Variants in IL3RA observed in about 807,000 individuals in gnomAD.
The protein encoded by IL3RA is interleukin-3 receptor subunit alpha.
IL3RA carries 73 observed loss-of-function variants against 52.3 expected under a neutral mutation model. That is an observed-to-expected ratio of 1.40 (90% CI 1.16 to 1.70). The LOEUF (loss-of-function observed/expected upper bound fraction) is 1.70, where lower values mean the gene tolerates loss of function less well. IL3RA is among the 40% of genes most tolerant of loss of function. The pLI, the probability that IL3RA is intolerant of heterozygous loss-of-function variation, is 0.00. For missense variants in IL3RA, 664 were observed against 504.4 expected (o/e 1.32, Z -3.03); for synonymous variants, 260 against 194.0 (o/e 1.34, Z -2.83).
At chrX:1,343,761 CTTT>C (rs1244006457) in intron 2 of IL3RA, among the ~76,000 whole-genome samples, 8 of 141,028 alleles carry the variant, frequency 5.7e-5, no homozygotes, top group African/African-American at 2.1e-4. Flanking sequence ...GAGAGACCTT[CTTT>C]TTCTTTCTTT....
intron 11 of IL3RA, among the ~76,000 whole-genome samples, chrX:1,381,963 T>G (rs1188791622): frequency 6.6e-6 from 1 of 150,674 alleles, no homozygotes; most frequent in African/African-American, 2.4e-5. Context: ...TTTTTGTTTT[T>G]GAGACGCAGT....
chrX:1,362,130 GTCTC>G (rs370637030), intron 8 of IL3RA, among the ~76,000 whole-genome samples: 16 of 149,198 alleles, frequency 1.1e-4, no homozygotes, highest in Non-Finnish European at 1.6e-4. Context: ...GTCTCTCTAT[GTCTC>G]TCTGTTTCTG....
chrX:1,373,879 C>T (rs2088620303), intron 9 of IL3RA, among the ~76,000 whole-genome samples: 1 of 69,240 alleles, frequency 1.4e-5, no homozygotes. Flanking sequence ...AGGAGAGAGG[C>T]CTCAGGAGGA....
At chrX:1,345,185 T>A (rs1195529035) in intron 2 of IL3RA, 131 bp from the exon 3 acceptor site, 4 of 565,594 alleles carry the variant, frequency 7.1e-6, no homozygotes, top group Admixed American at 5.7e-5. Context: ...TTTAAAAAAA[T>A]TAAATAAAAG....
chrX:1,362,672 G>C (rs1301062777), intron 8 of IL3RA, among the ~76,000 whole-genome samples: 4 of 152,060 alleles, frequency 2.6e-5, no homozygotes, highest in Non-Finnish European at 5.9e-5. Context: ...GCTTCTCCCA[G>C]CTCCTGGGGA....
At chrX:1,348,660 T>TTC (rs372310197) in intron 4 of IL3RA, 115 bp downstream of exon 4, 4 of 434,962 alleles carry the variant, frequency 9.2e-6, no homozygotes, top group East Asian at 7.0e-5. Flanking sequence ...CTTTCTTTCT[T>TTC]TCTTTCTTTC....
Position 1,343,666 on chromosome X carries a change from C to CAAAAA in IL3RA, c.65-1635_65-1631dup, listed in dbSNP as rs760518972. On this transcript the variant is annotated intron_variant, in intron 2 of 11. Transcript: ENST00000331035. ...TGGGTGACAGAGCGAGGCTCCATCT[C>CAAAAA]AAAAAAAAAAAAAAAAAAAGAATAT... 1.6e-3 allele frequency among the ~76,000 whole-genome samples: 111 copies of CAAAAA among 68,632 alleles called. 5 individuals are homozygous for CAAAAA. Among genetic ancestry groups the CAAAAA allele is most frequent in the African/African-American group, 4.9e-3 (108 of 22,072 alleles). The allele number at this position is 68,632 out of a possible 152,430, so 45.0% of individuals were successfully genotyped here. A position where few individuals can be genotyped will look rare whatever the true frequency, so the allele number is the denominator to read the frequency against.
At position 1,352,317 on chromosome X, in the gene IL3RA, C is replaced by G; in HGVS notation, c.432-5C>G. ...GTCGTCCCCCAACCTTACCGCTTACCGCAGCAGGCGTCAACAGTACGAGTG... is the reference window on the plus strand; with the variant it reads ...GTCGTCCCCCAACCTTACCGCTTACGGCAGCAGGCGTCAACAGTACGAGTG... On this transcript the variant is annotated splice_polypyrimidine_tract_variant and splice_region_variant and intron_variant, in intron 5 of 11. Transcript: ENST00000331035. The G allele has an allele frequency of 6.2e-7, 1 of 1,613,746 alleles. No homozygotes were observed. The highest frequency in any genetic ancestry group is 8.5e-7 in the Non-Finnish European group (1 of 1,179,782).
intron 4 of IL3RA, 151 bp downstream of exon 4, chrX:1,348,696 CTTTCTTTCTGTTTCTG>C: frequency 5.8e-6 from 2 of 344,642 alleles, no homozygotes; most frequent in Non-Finnish European, 1.0e-5. Flanking sequence ...CTTTCTTTTT[CTTTCTTTCTGTTTCTG>C]TTTCTTTCTT....
chrX:1,363,909 G>A (rs1321461527), intron 8 of IL3RA, among the ~76,000 whole-genome samples: 6 of 152,078 alleles, frequency 3.9e-5, no homozygotes, highest in East Asian at 2.0e-4. Context: ...TTGGCTGGGC[G>A]CGGTGGCTCA....
chrX:1,347,186 C>G (rs1443011451), intron 3 of IL3RA, among the ~76,000 whole-genome samples: 7 of 151,456 alleles, frequency 4.6e-5, no homozygotes, highest in African/African-American at 1.5e-4. Flanking sequence ...GTGGCTCACG[C>G]CTGTCATCCC....
intron 9 of IL3RA, 147 bp downstream of exon 9, chrX:1,365,399 G>A (rs2087894130): frequency 1.1e-5 from 1 of 92,922 alleles, no homozygotes; most frequent in African/African-American, 9.3e-5. Flanking sequence ...TGCGCGGGGT[G>A]AGCGGGGTGA....
intron 1 of IL3RA, among the ~76,000 whole-genome samples, chrX:1,338,647 G>A (rs1442072679): frequency 6.6e-6 from 1 of 152,238 alleles, no homozygotes; most frequent in Non-Finnish European, 1.5e-5. Flanking sequence ...CATAGTGTCT[G>A]TATGATTCCA....
intron 7 of IL3RA, among the ~76,000 whole-genome samples, chrX:1,357,679 G>A (rs6645232): frequency 0.59 from 90,077 of 151,568 alleles, 27,817 homozygotes; most frequent in Middle Eastern, 0.7. Context: ...TATTATTTAT[G>A]CTCAAATACT....
At chrX:1,351,686 T>C (rs1458391918) in intron 4 of IL3RA, among the ~76,000 whole-genome samples, 1 of 148,544 alleles carries the variant, frequency 6.7e-6, no homozygotes, top group African/African-American at 2.5e-5. Context: ...TGGAGTGCAG[T>C]GGCGTGATCT....
chrX:1,377,078 C>T (rs372461636), intron 9 of IL3RA, among the ~76,000 whole-genome samples: 46 of 140,634 alleles, frequency 3.3e-4, no homozygotes, highest in African/African-American at 1.2e-3. Context: ...GACACAGACA[C>T]ACACCAAGGG....
At chrX:1,338,380 G>T (rs1204740204) in intron 1 of IL3RA, among the ~76,000 whole-genome samples, 2 of 151,856 alleles carry the variant, frequency 1.3e-5, no homozygotes, top group African/African-American at 4.8e-5. Context: ...GATGAATGGA[G>T]AAATATAATG....
At chrX:1,343,375 C>G (rs147240599) in intron 2 of IL3RA, among the ~76,000 whole-genome samples, 264 of 151,972 alleles carry the variant, frequency 1.7e-3, no homozygotes, top group African/African-American at 5.5e-3. Flanking sequence ...AGAATATTGC[C>G]TTTTACTGGC....
At chrX:1,363,863 G>C (rs1297082458) in intron 8 of IL3RA, among the ~76,000 whole-genome samples, 1 of 151,824 alleles carries the variant, frequency 6.6e-6, no homozygotes, top group Non-Finnish European at 1.5e-5. Context: ...GAAACTACAG[G>C]CGTTTGCCAC....
Sources: allele counts gnomAD v4.1 joint callset (sites outside exome capture counted in the v4.1 genomes callset), GRCh38; gene constraint gnomAD v4.1.1; transcripts MANE v1.5; gene names NCBI Gene and HGNC (gene_info 2026-07-23, HGNC 2026-07-21).